The following NPEPPS variants were observed in gnomAD, a reference collection of about 807,000 sequenced individuals.
The protein encoded by NPEPPS is aminopeptidase puromycin sensitive.
In NPEPPS, 14 loss-of-function variants were observed where a neutral mutation model predicts 115.5. That is an observed-to-expected ratio of 0.12 (90% CI 0.08 to 0.19). The LOEUF (loss-of-function observed/expected upper bound fraction) is 0.19, where lower values mean the gene tolerates loss of function less well. NPEPPS is among the 10% of genes least tolerant of loss of function. NPEPPS has a pLI of 1.00. For synonymous variants in NPEPPS, 285 were observed against 390.6 expected (o/e 0.73, Z 3.19); for missense variants, 523 against 1,110.8 (o/e 0.47, Z 7.52).
chr17:47,524,661 ATT>A (rs56230488), intron 1 of NPEPPS, among the ~76,000 whole-genome samples: 1,624 of 135,358 alleles, frequency 0.012, 17 homozygotes, highest in African/African-American at 0.032. Flanking sequence ...CGCCTGGCTA[ATT>A]TTTTTTTTTT....
intron 17 of NPEPPS, among the ~76,000 whole-genome samples, chr17:47,605,977 A>G (rs1913493958): frequency 6.6e-6 from 1 of 152,138 alleles, no homozygotes; most frequent in Non-Finnish European, 1.5e-5. Context: ...TCCCAGGTTC[A>G]AGTGATTCTC....
chr17:47,609,030 C>T (rs969894276), intron 17 of NPEPPS, among the ~76,000 whole-genome samples: 4 of 151,618 alleles, frequency 2.6e-5, no homozygotes, highest in Non-Finnish European at 5.9e-5. Context: ...CTGAGAAGAT[C>T]AGAGAAAAGG....
At chr17:47,543,970 C>T (rs1303799346) in intron 1 of NPEPPS, among the ~76,000 whole-genome samples, 1 of 152,028 alleles carries the variant, frequency 6.6e-6, no homozygotes, top group Non-Finnish European at 1.5e-5. Flanking sequence ...TCTCCGCTCA[C>T]TGCAAGCTCC....
chr17:47,550,555 G>T (rs1244541226), intron 2 of NPEPPS, among the ~76,000 whole-genome samples: 1 of 147,090 alleles, frequency 6.8e-6, no homozygotes, highest in Non-Finnish European at 1.5e-5. Context: ...AGAAATTAAA[G>T]GTTTGTTTCT....
rs1330802269 is a variant in NPEPPS at position 47,570,889 on chromosome 17, ATAT to A, written c.418+1396_418+1398del. Among the ~76,000 whole-genome samples the A allele has an allele frequency of 3.3e-5, 5 of 152,332 alleles. No individual in the cohort carries two copies. The South Asian group carries it at 1.0e-3, about 32-fold the overall frequency. ...TTTTTTTGAAAAGCATTCTGGCAGT[ATAT>A]CAAGAGCCTAAATATGTTCATGTCC... On this transcript the variant is annotated intron_variant, in intron 3 of 22. Coordinates refer to ENST00000322157, the MANE Select transcript of NPEPPS (RefSeq NM_006310.4).
intron 19 of NPEPPS, among the ~76,000 whole-genome samples, chr17:47,617,496 C>CAT (rs749756301): frequency 0.013 from 1,605 of 120,408 alleles, 20 homozygotes; most frequent in African/African-American, 0.035. Context: ...TGTGCCCAGC[C>CAT]ATATATATAT....
At chr17:47,531,806 C>G (rs1223885239) in intron 1 of NPEPPS, among the ~76,000 whole-genome samples, 1 of 152,100 alleles carries the variant, frequency 6.6e-6, no homozygotes, top group Non-Finnish European at 1.5e-5. Context: ...TGCGGGAGCT[C>G]TGGGGAGCCG....
intron 19 of NPEPPS, among the ~76,000 whole-genome samples, chr17:47,615,648 A>G (rs1040694642): frequency 6.6e-6 from 1 of 152,202 alleles, no homozygotes; most frequent in Non-Finnish European, 1.5e-5. Flanking sequence ...GAACCTGTAT[A>G]CTATAAATGA....
At chr17:47,535,834 T>C in intron 1 of NPEPPS, among the ~76,000 whole-genome samples, 1 of 101,908 alleles carries the variant, frequency 9.8e-6, no homozygotes, top group Non-Finnish European at 2.2e-5. Flanking sequence ...TGGGTATTCT[T>C]TTTTTTTTTT....
At chr17:47,550,350 T>TG (rs1402156094) in intron 2 of NPEPPS, among the ~76,000 whole-genome samples, 3 of 146,460 alleles carry the variant, frequency 2.0e-5, no homozygotes, top group African/African-American at 7.5e-5. Context: ...TTTTTTGAGA[T>TG]GGAGTCTTGC....
chr17:47,612,985 A>C (rs12943464), intron 18 of NPEPPS, among the ~76,000 whole-genome samples: 1 of 151,766 alleles, frequency 6.6e-6, no homozygotes, highest in Non-Finnish European at 1.5e-5. Context: ...AGCCTGGAAC[A>C]TTTTTTAATA....
chr17:47,547,329 T>C (rs1909286361), intron 2 of NPEPPS, among the ~76,000 whole-genome samples: 1 of 152,048 alleles, frequency 6.6e-6, no homozygotes, highest in Admixed American at 6.6e-5. Flanking sequence ...AGTACATCAG[T>C]ATTGGAGCTG....
At chr17:47,576,450 C>G (rs1417541568) in intron 3 of NPEPPS, among the ~76,000 whole-genome samples, 1 of 152,166 alleles carries the variant, frequency 6.6e-6, no homozygotes, top group African/African-American at 2.4e-5. Context: ...CGAGATTGCA[C>G]CACTGCACTT....
intron 9 of NPEPPS, among the ~76,000 whole-genome samples, chr17:47,587,679 T>C (rs1418565585): frequency 1.3e-5 from 2 of 152,232 alleles, no homozygotes; most frequent in African/African-American, 4.8e-5. Context: ...AGGCTAACTG[T>C]AGTTTCTTGA....
chr17:47,535,832 C>CTTTTTTTTTTTTT (rs553790964), intron 1 of NPEPPS, among the ~76,000 whole-genome samples: 1 of 100,992 alleles, frequency 9.9e-6, no homozygotes, highest in Non-Finnish European at 2.0e-5. Flanking sequence ...ATTGGGTATT[C>CTTTTTTTTTTTTT]TTTTTTTTTT....
intron 4 of NPEPPS, 34 bp downstream of exon 4, chr17:47,579,545 C>T: frequency 6.5e-7 from 1 of 1,538,518 alleles, no homozygotes; most frequent in Non-Finnish European, 8.8e-7. Flanking sequence ...TATTATTATT[C>T]TTAAATTAGG....
At position 47,599,780 on chromosome 17, in the gene NPEPPS, G is replaced by A. The variant is rs920488004; in HGVS notation, c.1600+41G>A. On this transcript the variant is annotated intron_variant, in intron 14 of 22. Transcript: ENST00000322157. ...TAAGTGAGATATGATTGATGAATTT[G>A]GATATTAACTAATACCAGTAGTATT... is the stretch of plus-strand genomic sequence containing the variant. 21 of 1,457,680 alleles carry A rather than the reference G, an allele frequency of 1.4e-5. No homozygotes were observed. The Admixed American group carries it at 1.8e-4, about 12-fold the overall frequency. 90.3% of individuals were successfully genotyped at this position (1,457,680 alleles called of 1,614,324 possible). A position where few individuals can be genotyped will look rare whatever the true frequency, so the allele number is the denominator to read the frequency against.
intron 2 of NPEPPS, among the ~76,000 whole-genome samples, chr17:47,561,340 C>G (rs1417775559): frequency 9.1e-6 from 1 of 109,814 alleles, no homozygotes; most frequent in Non-Finnish European, 1.7e-5. Flanking sequence ...CAGTGAGACC[C>G]TGTCTCAAAA....
intron 3 of NPEPPS, among the ~76,000 whole-genome samples, chr17:47,573,357 A>G (rs1427281141): frequency 2.6e-5 from 4 of 152,206 alleles, no homozygotes; most frequent in African/African-American, 7.2e-5. Context: ...CTTAGACTCT[A>G]ATGAAGCTGT....
Sources: allele counts gnomAD v4.1 joint callset (sites outside exome capture counted in the v4.1 genomes callset), GRCh38; gene constraint gnomAD v4.1.1; transcripts MANE v1.5; gene names NCBI Gene and HGNC (gene_info 2026-07-23, HGNC 2026-07-21).